The following IRAK3 variants were observed in gnomAD, a reference collection of about 807,000 sequenced individuals.
IRAK3 encodes interleukin-1 receptor-associated kinase 3.
In IRAK3, 57 loss-of-function variants were observed where a neutral mutation model predicts 56.6. That is an observed-to-expected ratio of 1.01 (90% CI 0.81 to 1.26). The LOEUF (loss-of-function observed/expected upper bound fraction) is 1.26, where lower values mean the gene tolerates loss of function less well. Ranked by LOEUF, IRAK3 falls within the 50% of genes most tolerant of loss-of-function variation. The pLI is 0.00. For synonymous variants in IRAK3, 258 were observed against 255.7 expected (o/e 1.01, Z -0.09); for missense variants, 703 against 719.0 (o/e 0.98, Z 0.25).
At chr12:66,195,293 A>G (rs961281589) in intron 1 of IRAK3, among the ~76,000 whole-genome samples, 2 of 152,114 alleles carry the variant, frequency 1.3e-5, no homozygotes, top group African/African-American at 4.8e-5. Flanking sequence ...ACCAACCACC[A>G]TCGGTTCCCA....
At position 66,251,856 on chromosome 12, in the gene IRAK3, T is replaced by G. The variant is rs1394115550; in HGVS notation, c.*3685T>G. The G allele has an allele frequency of 6.6e-6, 1 of 152,214 alleles. No homozygotes were observed. Among genetic ancestry groups the G allele is most frequent in the Non-Finnish European group, 1.5e-5 (1 of 68,046 alleles). 9.4% of individuals were successfully genotyped at this position (152,214 alleles called of 1,614,324 possible). ...AAGGAAGACAGGGCATCTACCCAAG[T>G]CAACAGTTCAGTGACATCTGTTATT... On this transcript the variant is annotated 3_prime_UTR_variant, in exon 12 of 12. Transcript: ENST00000261233.
Position 66,228,781 on chromosome 12 carries a change from A to G in IRAK3, c.887+411A>G, listed in dbSNP as rs533395670. On this transcript the variant is annotated intron_variant, in intron 8 of 11. Transcript: ENST00000261233. ...TTTTTCACTTTCAGTACAGTATTCAATGAATTGCATGAGGTAGTCAACACT... is the reference window on the plus strand; with the variant it reads ...TTTTTCACTTTCAGTACAGTATTCAGTGAATTGCATGAGGTAGTCAACACT... Among the ~76,000 whole-genome samples, 7 of 152,326 alleles carry G rather than the reference A, an allele frequency of 4.6e-5. No individual in the cohort carries two copies. The East Asian group carries it at 1.2e-3, about 25-fold the overall frequency.
chr12:66,214,482 A>G (rs2052645995), intron 5 of IRAK3, among the ~76,000 whole-genome samples: 1 of 152,132 alleles, frequency 6.6e-6, no homozygotes, highest in African/African-American at 2.4e-5. Flanking sequence ...CAGAGGTTGC[A>G]GTGAGCCAAG....
chr12:66,218,052 C>A (rs2052695764), intron 6 of IRAK3, among the ~76,000 whole-genome samples: 1 of 152,052 alleles, frequency 6.6e-6, no homozygotes, highest in Non-Finnish European at 1.5e-5. Flanking sequence ...TCAAACATTG[C>A]AAAATTTCAA....
At chr12:66,217,849 C>T (rs1322840094) in intron 6 of IRAK3, among the ~76,000 whole-genome samples, 1 of 151,992 alleles carries the variant, frequency 6.6e-6, no homozygotes, top group African/African-American at 2.4e-5. Flanking sequence ...AGTCGGGAAG[C>T]AGGGAGGAAG....
rs60922626 is a variant in IRAK3, at chr12:66,233,016, T to TA, written c.887+4646_887+4647insA. On this transcript the variant is annotated intron_variant, in intron 8 of 11. Transcript: ENST00000261233. ...TTATTATTATTATTATTATTATTATTTTTAAAAAGCCAAAATTTCAGCAAC... is the reference window on the plus strand; with the variant it reads ...TTATTATTATTATTATTATTATTATTATTTAAAAAGCCAAAATTTCAGCAAC... Among the ~76,000 whole-genome samples, 63 of 151,514 alleles carry TA rather than the reference T, an allele frequency of 4.2e-4. No homozygotes were observed. In the East Asian group the frequency reaches 7.3e-3, roughly 18 times the overall value.
Position 66,244,648 on chromosome 12 carries a change from A to G in IRAK3, c.1050A>G (p.Lys350=). 2 of 1,614,070 alleles carry G rather than the reference A, an allele frequency of 1.2e-6. No homozygotes were observed. The highest frequency in any genetic ancestry group is 1.7e-6 in the Non-Finnish European group (2 of 1,179,970). The change falls in exon 9 of 12, where the codon AAA becomes AAG. Residue 350 remains lysine (K), a synonymous_variant. Transcript: ENST00000261233. ...YMPEEYIRQG[K]LSIKTDVYSF... is the part of the protein sequence containing the mutation. Reference sequence around the variant, plus strand: ...CAGAAGAGTACATCAGACAGGGGAAACTTTCCATTAAAACAGATGTCTACA... The same window carrying G: ...CAGAAGAGTACATCAGACAGGGGAAGCTTTCCATTAAAACAGATGTCTACA...
chr12:66,226,982 C>T, intron 7 of IRAK3, 145 bp downstream of exon 7: 5 of 682,008 alleles, frequency 7.3e-6, no homozygotes, highest in Non-Finnish European at 1.1e-5. Context: ...AGCAGTACTT[C>T]TTGGATTAAT....
intron 1 of IRAK3, among the ~76,000 whole-genome samples, chr12:66,192,211 T>C (rs1196293395): frequency 6.6e-6 from 1 of 152,276 alleles, no homozygotes; most frequent in Non-Finnish European, 1.5e-5. Context: ...GATATTTTAC[T>C]ACATTCTTTC....
intron 1 of IRAK3, among the ~76,000 whole-genome samples, chr12:66,190,095 G>A (rs2052385201): frequency 6.6e-6 from 1 of 152,064 alleles, no homozygotes; most frequent in Non-Finnish European, 1.5e-5. Context: ...GAGATAATTC[G>A]GACAAAAATC....
At chr12:66,212,090 G>T (rs961695595) in intron 5 of IRAK3, among the ~76,000 whole-genome samples, 3 of 135,094 alleles carry the variant, frequency 2.2e-5, no homozygotes, top group Admixed American at 8.3e-5. Flanking sequence ...CAGCCTGGGT[G>T]ATAAAGTGAG....
At chr12:66,189,518 C>T (rs2052379282) in intron 1 of IRAK3, 86 bp downstream of exon 1, 2 of 920,850 alleles carry the variant, frequency 2.2e-6, no homozygotes, top group Non-Finnish European at 1.3e-6. Context: ...TGGCTGGGGT[C>T]CCTCGCGGGG....
chr12:66,222,962 G>GAGCC (rs1449305947), intron 6 of IRAK3, among the ~76,000 whole-genome samples: 9 of 152,052 alleles, frequency 5.9e-5, no homozygotes, highest in African/African-American at 2.2e-4. Context: ...GATAGGGGTG[G>GAGCC]AGCCGTTTTA....
At position 66,211,394 on chromosome 12, in the gene IRAK3, T is replaced by G. The variant is rs547923259; in HGVS notation, c.437-52T>G. ...TCTAATATAGAAATTTTGGTTATAATGGTGATGTTCCTTCTTAGCTAACTT... is the reference window on the plus strand; with the variant it reads ...TCTAATATAGAAATTTTGGTTATAAGGGTGATGTTCCTTCTTAGCTAACTT... On this transcript the variant is annotated intron_variant, in intron 4 of 11. Coordinates refer to ENST00000261233, the MANE Select transcript of IRAK3 (RefSeq NM_007199.3). 1.6e-5 allele frequency: 22 copies of G among 1,379,796 alleles called. No individual in the cohort carries two copies. In the African/African-American group the frequency reaches 2.8e-4, roughly 18 times the overall value. 85.5% of individuals were successfully genotyped at this position (1,379,796 alleles called of 1,614,324 possible).
intron 8 of IRAK3, among the ~76,000 whole-genome samples, chr12:66,243,711 G>C (rs1038099821): frequency 3.9e-5 from 6 of 152,136 alleles, no homozygotes; most frequent in Non-Finnish European, 8.8e-5. Flanking sequence ...CTTACATGGC[G>C]AAGGAAACTG....
At chr12:66,238,740 A>G (rs2052934072) in intron 8 of IRAK3, among the ~76,000 whole-genome samples, 1 of 152,240 alleles carries the variant, frequency 6.6e-6, no homozygotes, top group Non-Finnish European at 1.5e-5. Context: ...CCACAGGAGA[A>G]GCAGTGCCCA....
chr12:66,238,195 G>A (rs1214600849), intron 8 of IRAK3, among the ~76,000 whole-genome samples: 2 of 152,232 alleles, frequency 1.3e-5, no homozygotes, highest in Non-Finnish European at 2.9e-5. Flanking sequence ...GGCCAAGACA[G>A]CAGAAAGCAT....
At chr12:66,207,181 TC>T (rs2052566088) in intron 2 of IRAK3, among the ~76,000 whole-genome samples, 1 of 152,132 alleles carries the variant, frequency 6.6e-6, no homozygotes, top group Non-Finnish European at 1.5e-5. Context: ...TAAAAAATCT[TC>T]TATTTCGGCC....
At chr12:66,235,325 G>T (rs1592598890) in intron 8 of IRAK3, 1 of 1,140,680 alleles carries the variant, frequency 8.8e-7, no homozygotes, top group Non-Finnish European at 1.1e-6. Flanking sequence ...GCGCGGGGCA[G>T]CCTGGGCGCG....
Sources: allele counts gnomAD v4.1 joint callset (sites outside exome capture counted in the v4.1 genomes callset), GRCh38; gene constraint gnomAD v4.1.1; transcripts MANE v1.5; gene names NCBI Gene and HGNC (gene_info 2026-07-23, HGNC 2026-07-21).